The following SLC48A1 variants were observed in gnomAD, a reference collection of about 807,000 sequenced individuals.
SLC48A1 encodes the protein solute carrier family 48 member 1, also known as heme transporter HRG1.
A neutral mutation model predicts 14.8 loss-of-function variants in SLC48A1; 6 were observed. The observed-to-expected ratio is 0.41, with a 90% CI of 0.22 to 0.80. The LOEUF (loss-of-function observed/expected upper bound fraction) is 0.80. SLC48A1 is among the 30% of genes least tolerant of loss of function. The pLI, the probability that SLC48A1 is intolerant of heterozygous loss-of-function variation, is 0.34. For synonymous variants in SLC48A1, 89 were observed against 90.0 expected (o/e 0.99, Z 0.06); for missense variants, 165 against 204.8 (o/e 0.81, Z 1.19).
intron 1 of SLC48A1, among the ~76,000 whole-genome samples, chr12:47,774,962 A>G (rs995090687): frequency 6.6e-6 from 1 of 152,162 alleles, no homozygotes; most frequent in Non-Finnish European, 1.5e-5. Flanking sequence ...TCAGAGCCCT[A>G]TGATTGCATT....
In SLC48A1 at chr12:47,780,967, G is replaced by A. The variant is rs775972442; in HGVS notation, c.*686G>A. 2 of 526,848 alleles carry A rather than the reference G, an allele frequency of 3.8e-6. No individual in the cohort carries two copies. The highest frequency in any genetic ancestry group is 7.8e-6 in the Non-Finnish European group (2 of 257,630). The allele number at this position is 526,848 out of a possible 1,614,324, so 32.6% of individuals were successfully genotyped here. A position where few individuals can be genotyped will look rare whatever the true frequency, so the allele number is the denominator to read the frequency against. ...GTAGGGCCATGAGGCCTGGACCTAT[G>A]CTGCAGGCAAGGGTTTCCATCCCCG... On this transcript the variant is annotated 3_prime_UTR_variant, in exon 3 of 3. Transcript: ENST00000442218.
chr12:47,758,237 AC>A, upstream of SLC48A1: 1 of 1,434,108 alleles, frequency 7.0e-7, no homozygotes, highest in Non-Finnish European at 9.1e-7. Context: ...GAACAGGAAG[AC>A]CTTCACTGGG....
At chr12:47,773,477 C>G (rs947654470) in intron 1 of SLC48A1, 37 bp downstream of exon 1, 41 of 1,294,612 alleles carry the variant, frequency 3.2e-5, no homozygotes, top group Non-Finnish European at 3.8e-5. Flanking sequence ...GGCGGGTGCG[C>G]GGCTGCGGGG....
chr12:47,760,888 A>T (rs755879149), intron 2 of SLC48A1, among the ~76,000 whole-genome samples: 1 of 152,150 alleles, frequency 6.6e-6, no homozygotes, highest in Non-Finnish European at 1.5e-5. Context: ...ACTGCCTAGG[A>T]GAGTCTACTC....
upstream of SLC48A1, among the ~76,000 whole-genome samples, chr12:47,754,236 C>G (rs1941922167): frequency 6.6e-6 from 1 of 152,268 alleles, no homozygotes; most frequent in Non-Finnish European, 1.5e-5. Flanking sequence ...TATGCCTATT[C>G]CCATGTTTCC....
At chr12:47,776,710 A>G (rs1942762731) in intron 1 of SLC48A1, among the ~76,000 whole-genome samples, 1 of 152,094 alleles carries the variant, frequency 6.6e-6, no homozygotes, top group African/African-American at 2.4e-5. Context: ...ACGCCCCCAA[A>G]TGGCTGTCTT....
chr12:47,766,085 G>C (rs1187439248), intron 2 of SLC48A1, among the ~76,000 whole-genome samples: 1 of 152,118 alleles, frequency 6.6e-6, no homozygotes, highest in East Asian at 1.9e-4. Context: ...GCCATTCTTG[G>C]GGCCCCTGCT....
intron 1 of SLC48A1, chr12:47,778,570 C>T (rs897148398): frequency 6.3e-6 from 1 of 158,258 alleles, no homozygotes; most frequent in Admixed American, 6.1e-5. Context: ...GCAGGCTGGG[C>T]TGCTGAGGCA....
intron 1 of SLC48A1, among the ~76,000 whole-genome samples, chr12:47,776,165 G>A (rs773975720): frequency 6.6e-6 from 1 of 152,184 alleles, no homozygotes; most frequent in Non-Finnish European, 1.5e-5. Flanking sequence ...GGGATCCCCC[G>A]GGTGTCTCCT....
At chr12:47,768,041 G>A (rs1351191512), upstream of SLC48A1, among the ~76,000 whole-genome samples, 1 of 152,012 alleles carries the variant, frequency 6.6e-6, no homozygotes, top group African/African-American at 2.4e-5. Context: ...TGAGTGGTGC[G>A]ATCTTGGCTC....
At chr12:47,770,434 C>T (rs904031210), upstream of SLC48A1, among the ~76,000 whole-genome samples, 1 of 152,224 alleles carries the variant, frequency 6.6e-6, no homozygotes, top group African/African-American at 2.4e-5. Flanking sequence ...CTGCCTGGAC[C>T]AGCTCTGAAG....
chr12:47,770,301 C>CA (rs1942602347), upstream of SLC48A1, among the ~76,000 whole-genome samples: 2 of 152,228 alleles, frequency 1.3e-5, no homozygotes. Context: ...CTAATATGTC[C>CA]ACTCATAATA....
upstream of SLC48A1, chr12:47,771,094 C>A: frequency 6.2e-6 from 2 of 323,838 alleles, no homozygotes; most frequent in South Asian, 2.5e-5. Flanking sequence ...AATACACACT[C>A]CAAGATTCAA....
rs140721043 is a variant in SLC48A1 at position 47,763,622 on chromosome 12, T to C, written c.-187+3221T>C. Among the ~76,000 whole-genome samples the C allele has an allele frequency of 8.6e-3, 1,315 of 152,180 alleles. 20 individuals carry two copies. The highest frequency in any genetic ancestry group is 0.027 in the African/African-American group (1,101 of 41,494). On this transcript the variant is annotated intron_variant, in intron 2 of 4. Coordinates refer to the SLC48A1 transcript ENST00000547002. ...GCAGTTCCAGTTCAGCTCCTCCATC[T>C]CCTCCCTTGCCCATTCCTGGGGTGG...
intron 1 of SLC48A1, among the ~76,000 whole-genome samples, chr12:47,759,536 CAGA>C (rs1942305440): frequency 2.1e-5 from 2 of 93,120 alleles, no homozygotes; most frequent in Admixed American, 9.7e-5. Flanking sequence ...TCCAGGGGAG[CAGA>C]AGGTGTTCGA....
intron 2 of SLC48A1, among the ~76,000 whole-genome samples, chr12:47,761,070 G>A (rs1426869593): frequency 4.6e-5 from 7 of 151,994 alleles, no homozygotes; most frequent in Non-Finnish European, 8.8e-5. Flanking sequence ...GGTGGCGTGC[G>A]CCTGGAATCC....
rs557122126 is a variant in SLC48A1 at position 47,777,375 on chromosome 12, G to A, written c.137-1653G>A. 3.3e-5 allele frequency among the ~76,000 whole-genome samples: 5 copies of A among 152,314 alleles called. No homozygotes were observed. Among genetic ancestry groups the A allele is most frequent in the South Asian group, 2.1e-4 (1 of 4,834 alleles). On this transcript the variant is annotated intron_variant, in intron 1 of 2. Coordinates refer to ENST00000442218, the MANE Select transcript of SLC48A1 (RefSeq NM_017842.3). This position sits in a 1 kb window ranked among gnomAD's most constrained non-coding sequence, Gnocchi z 4.5. Reference sequence around the variant, plus strand: ...TGGGAGAGTGTTCAGGGGGTCAAACGGTGGCAGGGGCTGAGGGAAGCTGTA... The same window carrying A: ...TGGGAGAGTGTTCAGGGGGTCAAACAGTGGCAGGGGCTGAGGGAAGCTGTA...
intron 2 of SLC48A1, among the ~76,000 whole-genome samples, chr12:47,764,721 C>T (rs988476354): frequency 1.3e-5 from 2 of 152,156 alleles, no homozygotes; most frequent in Non-Finnish European, 2.9e-5. Flanking sequence ...GAGAAGAAAC[C>T]GAATAGGCCA....
upstream of SLC48A1, among the ~76,000 whole-genome samples, chr12:47,757,539 C>T (rs1019116227): frequency 7.2e-5 from 11 of 152,148 alleles, no homozygotes; most frequent in African/African-American, 1.9e-4. Context: ...CCCCATACCT[C>T]CCACCTCCAC....
Sources: allele counts gnomAD v4.1 joint callset (sites outside exome capture counted in the v4.1 genomes callset), GRCh38; gene constraint gnomAD v4.1.1; non-coding constraint Gnocchi (gnomAD v3.1); transcripts MANE v1.5; gene names NCBI Gene and HGNC (gene_info 2026-07-23, HGNC 2026-07-21).